ABCB1: variants seen among roughly 807,000 people sequenced by gnomAD.
ABCB1 encodes ATP-dependent translocase ABCB1.
Under a neutral mutation model 142.0 loss-of-function variants are expected in ABCB1, and 69 were observed. The observed-to-expected ratio is 0.49, with a 90% CI of 0.40 to 0.59. The LOEUF (loss-of-function observed/expected upper bound fraction) is 0.59, where lower values mean the gene tolerates loss of function less well. ABCB1 is among the 20% of genes least tolerant of loss of function. The pLI, the probability that ABCB1 is intolerant of heterozygous loss-of-function variation, is 0.00. For missense variants in ABCB1, 1,326 were observed against 1,554.7 expected, an observed-to-expected ratio of 0.85 and a Z score of 2.47; for synonymous variants, 532 against 539.2, an observed-to-expected ratio of 0.99 and a Z score of 0.18.
At chr7:87,666,082 C>G (rs146028479) in intron 1 of ABCB1, among the ~76,000 whole-genome samples, 1 of 152,000 alleles carries the variant, frequency 6.6e-6, no homozygotes, top group East Asian at 1.9e-4. Context: ...TGACTGATGA[C>G]TGACCTAATT....
intron 4 of ABCB1, 25 bp downstream of exon 4, chr7:87,585,487 A>C: frequency 5.0e-6 from 8 of 1,611,888 alleles, no homozygotes; most frequent in Non-Finnish European, 5.1e-6. Flanking sequence ...GTTTCCAATA[A>C]AATTGGTACA....
At chr7:87,526,999 C>G (rs1465159063) in intron 21 of ABCB1, among the ~76,000 whole-genome samples, 1 of 150,424 alleles carries the variant, frequency 6.6e-6, no homozygotes, top group Admixed American at 6.6e-5. Context: ...TTTTTTTTTT[C>G]TAAAATAGGG....
chr7:87,703,523 C>A lies in ABCB1; in HGVS notation c.-331+9638G>T, dbSNP rs60723608. On this transcript the variant is annotated intron_variant, in intron 1 of 28. Coordinates refer to the ABCB1 transcript ENST00000265724. ...TTGTTAAAGCCACTGCTCCCTCCTG[C>A]CAATCTTCAACCAAGGGGTTGTAGC... Among the ~76,000 whole-genome samples the A allele has an allele frequency of 5.5e-3, 830 of 152,256 alleles. 6 individuals carry two copies. Among genetic ancestry groups the A allele is most frequent in the African/African-American group, 0.019 (802 of 41,554 alleles).
chr7:87,700,647 C>T (rs963346499), intron 1 of ABCB1: 6 of 1,213,840 alleles, frequency 4.9e-6, no homozygotes, highest in Non-Finnish European at 6.9e-6. Flanking sequence ...CTATGAATTT[C>T]CTTTTCTTAA....
chr7:87,590,171 G>A (rs1242086188), intron 3 of ABCB1, among the ~76,000 whole-genome samples: 1 of 152,156 alleles, frequency 6.6e-6, no homozygotes, highest in Non-Finnish European at 1.5e-5. Context: ...CTTGGTTCTA[G>A]GTACTGGTAA....
chr7:87,531,228 A>G, intron 21 of ABCB1, 66 bp downstream of exon 21: 4 of 1,397,832 alleles, frequency 2.9e-6, no homozygotes, highest in Non-Finnish European at 4.0e-6. Flanking sequence ...GTAGGGAGTA[A>G]CAAAATAACA....
chr7:87,552,274 A>C (rs1428489028), intron 9 of ABCB1, among the ~76,000 whole-genome samples: 1 of 152,200 alleles, frequency 6.6e-6, no homozygotes, highest in Non-Finnish European at 1.5e-5. Context: ...TTTCTAAATC[A>C]CATGGAATTA....
chr7:87,540,753 A>G (rs1816500475), intron 18 of ABCB1, among the ~76,000 whole-genome samples: 1 of 152,176 alleles, frequency 6.6e-6, no homozygotes, highest in Non-Finnish European at 1.5e-5. Context: ...CCTGGCCCTC[A>G]TACTAAACTT....
chr7:87,540,154 C>T (rs977015282), intron 18 of ABCB1, among the ~76,000 whole-genome samples: 3 of 152,206 alleles, frequency 2.0e-5, no homozygotes, highest in African/African-American at 7.2e-5. Flanking sequence ...TACATGCTTA[C>T]ATGTTAAATA....
intron 1 of ABCB1, among the ~76,000 whole-genome samples, chr7:87,698,434 T>A (rs1335988853): frequency 2.0e-5 from 3 of 152,160 alleles, no homozygotes; most frequent in Non-Finnish European, 4.4e-5. Context: ...TATATAGTTA[T>A]TAGAATAAAG....
At chr7:87,594,821 C>CA (rs1210793859) in intron 3 of ABCB1, among the ~76,000 whole-genome samples, 1 of 152,128 alleles carries the variant, frequency 6.6e-6, no homozygotes, top group Non-Finnish European at 1.5e-5. Flanking sequence ...TCCCTACCTA[C>CA]AACTATTTTT....
At chr7:87,584,954 C>CG (rs1818670219) in intron 4 of ABCB1, among the ~76,000 whole-genome samples, 1 of 151,386 alleles carries the variant, frequency 6.6e-6, no homozygotes, top group Admixed American at 6.6e-5. Context: ...CTAAAATACC[C>CG]CCCCACACAC....
intron 1 of ABCB1, among the ~76,000 whole-genome samples, chr7:87,656,966 G>T (rs1450009040): frequency 6.6e-6 from 1 of 152,064 alleles, no homozygotes; most frequent in Non-Finnish European, 1.5e-5. Context: ...AAAAATCCCT[G>T]CCCTCATTCA....
chr7:87,570,552 C>T (rs1026507849), intron 4 of ABCB1, among the ~76,000 whole-genome samples: 4 of 152,268 alleles, frequency 2.6e-5, no homozygotes, highest in African/African-American at 9.6e-5. Context: ...AAAGAAAAAT[C>T]TTTTGTCCTG....
intron 1 of ABCB1, among the ~76,000 whole-genome samples, chr7:87,630,927 T>C (rs1477557237): frequency 6.6e-6 from 1 of 152,180 alleles, no homozygotes; most frequent in Non-Finnish European, 1.5e-5. Flanking sequence ...TTTAGGAACG[T>C]CACACTGATT....
At chr7:87,506,953 GAA>G in intron 26 of ABCB1, among the ~76,000 whole-genome samples, 1 of 152,312 alleles carries the variant, frequency 6.6e-6, no homozygotes, top group Non-Finnish European at 1.5e-5. Context: ...GGCTGTCTCA[GAA>G]GGCAGGAGCA....
intron 9 of ABCB1, among the ~76,000 whole-genome samples, chr7:87,552,493 G>A (rs888117544): frequency 3.3e-5 from 5 of 151,990 alleles, no homozygotes; most frequent in African/African-American, 9.7e-5. Flanking sequence ...AAGTTGGTCC[G>A]ATATCAAACC....
chr7:87,561,630 T>C (rs906105166), intron 7 of ABCB1, among the ~76,000 whole-genome samples: 8 of 152,086 alleles, frequency 5.3e-5, no homozygotes, highest in African/African-American at 1.7e-4. Context: ...TCAATTGCAA[T>C]GGGAAAAGGG....
At chr7:87,522,759 A>G (rs1401291474) in intron 21 of ABCB1, among the ~76,000 whole-genome samples, 9 of 152,098 alleles carry the variant, frequency 5.9e-5, no homozygotes, top group Admixed American at 2.0e-4. Context: ...TTTTTTTTAA[A>G]AAAAAAGTAT....
Sources: allele counts gnomAD v4.1 joint callset (sites outside exome capture counted in the v4.1 genomes callset), GRCh38; gene constraint gnomAD v4.1.1; transcripts MANE v1.5; gene names NCBI Gene and HGNC (gene_info 2026-07-23, HGNC 2026-07-21).